Variants in ABCA13 observed in about 807,000 individuals in gnomAD.
The protein encoded by ABCA13 is ATP binding cassette subfamily A member 13.
ABCA13 carries 476 observed loss-of-function variants against 478.7 expected under a neutral mutation model. The observed-to-expected ratio is 0.99, with a 90% CI of 0.92 to 1.07. The LOEUF (loss-of-function observed/expected upper bound fraction) is 1.07. Ranked by LOEUF, ABCA13 falls within the 50% of genes least tolerant of loss-of-function variation. The pLI is 0.00. For synonymous variants in ABCA13, 2,252 were observed against 2,158.9 expected (o/e 1.04, Z -1.20); for missense variants, 6,060 against 5,910.6 (o/e 1.03, Z -0.83).
At chr7:48,234,329 G>C in intron 8 of ABCA13, 178 bp downstream of exon 8, 1 of 757,748 alleles carries the variant, frequency 1.3e-6, no homozygotes, top group African/African-American at 1.7e-5. Flanking sequence ...TTTTCTAGAA[G>C]TGTCTCTTTC....
intron 2 of ABCA13, among the ~76,000 whole-genome samples, chr7:48,197,728 G>A (rs1798126712): frequency 6.6e-6 from 1 of 151,796 alleles, no homozygotes; most frequent in Non-Finnish European, 1.5e-5. Context: ...CATTTGTTCT[G>A]AAAAGTCCTA....
rs549547000 is a variant in ABCA13, at chr7:48,541,001, G to A, written c.14354+12656G>A. ...AGTGAAGACAAGGAAGTGAAGTAAG[G>A]AATTTAAGACTAAGATTTGTTTTAT... is the stretch of plus-strand genomic sequence containing the variant. On this transcript the variant is annotated intron_variant, in intron 55 of 61. Coordinates refer to ENST00000435803, the MANE Select transcript of ABCA13 (RefSeq NM_152701.5). Among the ~76,000 whole-genome samples the A allele has an allele frequency of 3.9e-5, 6 of 152,210 alleles. No homozygotes were observed. The East Asian group carries it at 5.8e-4, about 15-fold the overall frequency.
rs1822603360 is a variant in ABCA13 at position 48,434,762 on chromosome 7, GACT to G, written c.12565+6892_12565+6894del. Among the ~76,000 whole-genome samples the G allele has an allele frequency of 2.0e-5, 3 of 151,898 alleles. 1 individual carries two copies. The highest frequency in any genetic ancestry group is 7.2e-5 in the African/African-American group (3 of 41,416). On this transcript the variant is annotated intron_variant, in intron 42 of 61. Coordinates refer to ENST00000435803, the MANE Select transcript of ABCA13 (RefSeq NM_152701.5). ...TATTCCCCACATCAGTTATGGAAAT[GACT>G]TTTTCTCACTGAATGGTTTTGGCTC...
rs759108506 is a variant in ABCA13, at chr7:48,275,233, C to A, written c.5567C>A (p.Ala1856Asp). ...TCTTCTTCCTTTTATGGCAAAGTGG[C>A]CAGTATACTTGATCATTTCCACCTG... is the stretch of plus-strand genomic sequence containing the variant. Reference protein sequence around the residue: ...LMSSSFYGKVASILDHFHLSP... With the variant: ...LMSSSFYGKVDSILDHFHLSP... The change falls in exon 17 of 62, where the codon GCC (alanine) becomes GAC (aspartate). Residue 1856 changes from alanine (A) to aspartate (D), a missense_variant. Ala to Asp is a moderately radical substitution (Grantham distance 126). Coordinates refer to ENST00000435803, the MANE Select transcript of ABCA13 (RefSeq NM_152701.5). 1.2e-6 allele frequency: 2 copies of A among 1,613,832 alleles called. No homozygotes were observed. Among genetic ancestry groups the A allele is most frequent in the East Asian group, 4.5e-5 (2 of 44,856 alleles).
At chr7:48,181,080 C>A (rs1232570221) in intron 1 of ABCA13, among the ~76,000 whole-genome samples, 1 of 152,192 alleles carries the variant, frequency 6.6e-6, no homozygotes, top group Non-Finnish European at 1.5e-5. Flanking sequence ...GGCGTCTGAT[C>A]AGAAGGGACC....
intron 42 of ABCA13, among the ~76,000 whole-genome samples, chr7:48,430,443 A>C (rs1336737015): frequency 6.6e-6 from 1 of 152,208 alleles, no homozygotes; most frequent in Non-Finnish European, 1.5e-5. Context: ...TGGGAAGCTG[A>C]GCTGGGTGGA....
chr7:48,555,132 C>T (rs983217401), intron 55 of ABCA13, among the ~76,000 whole-genome samples: 11 of 151,738 alleles, frequency 7.2e-5, no homozygotes, highest in African/African-American at 2.7e-4. Flanking sequence ...TGATGTATCA[C>T]ATTGATTGAT....
intron 58 of ABCA13, among the ~76,000 whole-genome samples, chr7:48,606,830 A>T (rs1791517246): frequency 6.6e-6 from 1 of 152,120 alleles, no homozygotes; most frequent in South Asian, 2.1e-4. Context: ...CCCTTCCCCC[A>T]GGTGCTCTGT....
intron 43 of ABCA13, among the ~76,000 whole-genome samples, chr7:48,455,913 C>G (rs1197477705): frequency 6.6e-6 from 1 of 152,198 alleles, no homozygotes; most frequent in African/African-American, 2.4e-5. Flanking sequence ...GGGTTGGGAA[C>G]CTAAGATAGA....
intron 27 of ABCA13, among the ~76,000 whole-genome samples, chr7:48,321,640 A>C (rs1803485568): frequency 6.6e-6 from 1 of 152,200 alleles, no homozygotes; most frequent in African/African-American, 2.4e-5. Flanking sequence ...GTCCTGAGCC[A>C]GTGTGTCAAG....
chr7:48,635,131 A>C (rs189448434), intron 59 of ABCA13, among the ~76,000 whole-genome samples: 5 of 151,246 alleles, frequency 3.3e-5, no homozygotes, highest in African/African-American at 1.2e-4. Flanking sequence ...TGTATCTCCG[A>C]TGAATCTATC....
At chr7:48,335,092 A>G (rs1160652807) in intron 27 of ABCA13, among the ~76,000 whole-genome samples, 1 of 152,226 alleles carries the variant, frequency 6.6e-6, no homozygotes, top group African/African-American at 2.4e-5. Context: ...TTGAGAATGT[A>G]TCTTTGAGGA....
intron 32 of ABCA13, among the ~76,000 whole-genome samples, chr7:48,368,862 C>A (rs536114486): frequency 6.6e-6 from 1 of 151,080 alleles, no homozygotes; most frequent in Admixed American, 6.6e-5. Flanking sequence ...TTTGTAATTG[C>A]GAATTGTGCT....
At chr7:48,448,654 T>A (rs1181916325) in intron 42 of ABCA13, among the ~76,000 whole-genome samples, 1 of 152,140 alleles carries the variant, frequency 6.6e-6, no homozygotes, top group Admixed American at 6.5e-5. Context: ...TGTGTTTTTT[T>A]AAGAAAAATT....
chr7:48,246,518 A>G (rs1791708090), intron 13 of ABCA13, among the ~76,000 whole-genome samples: 1 of 152,186 alleles, frequency 6.6e-6, no homozygotes, highest in Non-Finnish European at 1.5e-5. Context: ...TATTTTGTCA[A>G]GTTCCAGCCC....
At chr7:48,199,726 C>T (rs1218635495) in intron 3 of ABCA13, among the ~76,000 whole-genome samples, 1 of 152,178 alleles carries the variant, frequency 6.6e-6, no homozygotes, top group Admixed American at 6.5e-5. Flanking sequence ...GGGAAATATA[C>T]AAAACTCTGT....
intron 14 of ABCA13, among the ~76,000 whole-genome samples, chr7:48,248,818 ACT>A (rs1171034368): frequency 2.0e-5 from 3 of 152,032 alleles, no homozygotes; most frequent in Non-Finnish European, 4.4e-5. Context: ...TTATTTTATG[ACT>A]CTGTGAATTA....
At chr7:48,410,981 T>C (rs116761586) in intron 40 of ABCA13, among the ~76,000 whole-genome samples, 519 of 34,810 alleles carry the variant, frequency 0.015, 3 homozygotes, top group African/African-American at 0.043. Flanking sequence ...TCTTTTCTCT[T>C]TCTTTCTTTC....
At chr7:48,322,775 G>A (rs1248314787) in intron 27 of ABCA13, among the ~76,000 whole-genome samples, 2 of 152,136 alleles carry the variant, frequency 1.3e-5, no homozygotes, top group African/African-American at 2.4e-5. Flanking sequence ...TCGGTCGACA[G>A]CTCTCACATT....
Sources: allele counts gnomAD v4.1 joint callset (sites outside exome capture counted in the v4.1 genomes callset), GRCh38; gene constraint gnomAD v4.1.1; transcripts MANE v1.5; gene names NCBI Gene and HGNC (gene_info 2026-07-23, HGNC 2026-07-21).